Variants in ZNF423 observed in about 807,000 individuals in gnomAD.
ZNF423 encodes the protein zinc finger protein 423.
ZNF423 carries 12 observed loss-of-function variants against 95.8 expected under a neutral mutation model. That is an observed-to-expected ratio of 0.13 (90% CI 0.08 to 0.20). The LOEUF is 0.20. Ranked by LOEUF, ZNF423 falls within the 10% of genes least tolerant of loss-of-function variation. The pLI is 1.00. For synonymous variants in ZNF423, 749 were observed against 711.9 expected, an observed-to-expected ratio of 1.05 and a Z score of -0.83; for missense variants, 1,316 against 1,737.1, an observed-to-expected ratio of 0.76 and a Z score of 4.31.
At chr16:49,701,143 T>G (rs1012498332) in intron 3 of ZNF423, among the ~76,000 whole-genome samples, 1 of 152,232 alleles carries the variant, frequency 6.6e-6, no homozygotes, top group African/African-American at 2.4e-5. Context: ...AGGCTTAACA[T>G]GTTTAAGTCT....
chr16:49,572,608 T>G (rs940787567), intron 5 of ZNF423, among the ~76,000 whole-genome samples: 1 of 152,026 alleles, frequency 6.6e-6, no homozygotes, highest in Non-Finnish European at 1.5e-5. Flanking sequence ...CTTTGAGAAG[T>G]GGCATGATCA....
chr16:49,744,544 CCCCAGCTCGGGGTTGGGGTGTA>C (rs749451884), intron 2 of ZNF423, among the ~76,000 whole-genome samples: 2 of 152,002 alleles, frequency 1.3e-5, no homozygotes, highest in African/African-American at 2.4e-5. Flanking sequence ...GCCAGGGTGT[CCCCAGCTCGGGGTTGGGGTGTA>C]CCCAGCTCGG....
chr16:49,546,398 G>C (rs1969441385), intron 5 of ZNF423, among the ~76,000 whole-genome samples: 1 of 152,252 alleles, frequency 6.6e-6, no homozygotes, highest in Admixed American at 6.5e-5. Flanking sequence ...GGGTAAGTTG[G>C]TGCCTTTTCT....
At chr16:49,621,682 G>T (rs1384840034) in intron 5 of ZNF423, among the ~76,000 whole-genome samples, 2 of 152,174 alleles carry the variant, frequency 1.3e-5, no homozygotes, top group African/African-American at 4.8e-5. Flanking sequence ...CGGCAGGGCA[G>T]CCACTCTGGG....
intron 3 of ZNF423, among the ~76,000 whole-genome samples, chr16:49,654,460 G>A (rs759526856): frequency 6.6e-6 from 1 of 152,260 alleles, no homozygotes; most frequent in Non-Finnish European, 1.5e-5. Flanking sequence ...CATGGACAAG[G>A]AGCTCATGCT....
intron 5 of ZNF423, among the ~76,000 whole-genome samples, chr16:49,569,632 C>A (rs1026198494): frequency 2.6e-5 from 4 of 152,174 alleles, no homozygotes; most frequent in African/African-American, 9.7e-5. Context: ...TCCTCTGGGC[C>A]TTCCACTGTC....
Position 49,635,812 on chromosome 16 carries a change from C to A in ZNF423, c.3364G>T (p.Asp1122Tyr). The change falls in exon 4 of 8, where the codon GAC becomes TAC. Residue 1122 changes from aspartate (D) to tyrosine (Y), a missense_variant. By Grantham distance (160) the Asp-to-Tyr change is radical. This residue lies in a region of ZNF423 where 620 missense variants were observed against 775.6 expected (regional missense o/e 0.80). Transcript: ENST00000563137. This position sits in a 1 kb window ranked among gnomAD's most constrained non-coding sequence, Gnocchi z 4.8. Reference sequence around the variant, plus strand: ...CAACGGAGGCCGGCACAGGGCCGGTCGGCGGGCTCGGGCGGGGCCAGGCCA... The same window carrying A: ...CAACGGAGGCCGGCACAGGGCCGGTAGGCGGGCTCGGGCGGGGCCAGGCCA... The part of the protein sequence containing the change: ...VGGLAPPEPA[D>Y]RPCAGLRCPE... 6.2e-7 allele frequency: 1 copy of A among 1,610,254 alleles called. No individual in the cohort carries two copies. Among genetic ancestry groups the A allele is most frequent in the Non-Finnish European group, 8.5e-7 (1 of 1,178,828 alleles).
intron 1 of ZNF423, among the ~76,000 whole-genome samples, chr16:49,809,238 G>A (rs1029501252): frequency 1.1e-4 from 16 of 152,230 alleles, no homozygotes; most frequent in Non-Finnish European, 2.1e-4. Context: ...CACATAATGC[G>A]AGGACACCCA....
chr16:49,534,307 GCC>G (rs1968977149), intron 5 of ZNF423, among the ~76,000 whole-genome samples: 1 of 150,918 alleles, frequency 6.6e-6, no homozygotes, highest in South Asian at 2.1e-4. Context: ...CAGCTGGAGT[GCC>G]ATGGCACGTT....
chr16:49,832,753 C>T (rs575566505), intron 1 of ZNF423, among the ~76,000 whole-genome samples: 21 of 152,214 alleles, frequency 1.4e-4, no homozygotes, highest in African/African-American at 5.1e-4. Context: ...TGAGTGACTT[C>T]AGCCAAGGTC....
At chr16:49,508,535 A>G (rs913648474) in intron 7 of ZNF423, among the ~76,000 whole-genome samples, 3 of 148,396 alleles carry the variant, frequency 2.0e-5, no homozygotes, top group African/African-American at 7.6e-5. Flanking sequence ...AAAAAAAAAA[A>G]AAGTGAAAAT....
intron 5 of ZNF423, among the ~76,000 whole-genome samples, chr16:49,552,841 C>T (rs1597092723): frequency 6.6e-6 from 1 of 151,868 alleles, no homozygotes; most frequent in East Asian, 2.0e-4. Flanking sequence ...AGCAGAGGAA[C>T]CAGCGGTGCT....
intron 5 of ZNF423, among the ~76,000 whole-genome samples, chr16:49,548,179 C>T (rs1484278079): frequency 1.3e-5 from 2 of 152,102 alleles, no homozygotes; most frequent in Non-Finnish European, 1.5e-5. Flanking sequence ...CCAAGCACCT[C>T]CCAGTTTGGT....
At chr16:49,789,011 C>T (rs913843003) in intron 2 of ZNF423, among the ~76,000 whole-genome samples, 8 of 152,236 alleles carry the variant, frequency 5.3e-5, no homozygotes, top group Non-Finnish European at 2.9e-5. Context: ...CGACACCCCA[C>T]GAGTCTGAGC....
intron 5 of ZNF423, among the ~76,000 whole-genome samples, chr16:49,540,092 C>T (rs1447587714): frequency 6.6e-6 from 1 of 152,196 alleles, no homozygotes. Context: ...TACCTCCCTT[C>T]CTACTGGACA....
At chr16:49,527,134 T>A (rs1253195718) in intron 5 of ZNF423, among the ~76,000 whole-genome samples, 1 of 151,504 alleles carries the variant, frequency 6.6e-6, no homozygotes, top group African/African-American at 2.4e-5. Flanking sequence ...GGCCCAGCCA[T>A]CCCCCGCACC....
In ZNF423 at chr16:49,500,153, CAG is replaced by C. The variant is rs1197360923; in HGVS notation, c.3850-8851_3850-8850del. Among the ~76,000 whole-genome samples the C allele has an allele frequency of 2.6e-5, 4 of 152,180 alleles. No individual in the cohort carries two copies. In the East Asian group the frequency reaches 5.8e-4, roughly 22 times the overall value. On this transcript the variant is annotated intron_variant, in intron 7 of 7. Coordinates refer to ENST00000563137, the MANE Select transcript of ZNF423 (RefSeq NM_001379286.1). ...TTATAGACTTGCTCCTCCTCAGCAA[CAG>C]AGTCTATGCCTGACTCTGAGGCCTG...
intron 5 of ZNF423, among the ~76,000 whole-genome samples, chr16:49,532,803 C>T (rs1253865314): frequency 6.6e-6 from 1 of 152,206 alleles, no homozygotes; most frequent in Non-Finnish European, 1.5e-5. Context: ...AATCCGGTCA[C>T]ATATCAGAAA....
At chr16:49,791,111 C>T (rs772167889) in intron 1 of ZNF423, among the ~76,000 whole-genome samples, 3 of 152,224 alleles carry the variant, frequency 2.0e-5, no homozygotes, top group Admixed American at 6.5e-5. Flanking sequence ...GGAACATCCA[C>T]GAGCAACTAG....
Sources: allele counts gnomAD v4.1 joint callset (sites outside exome capture counted in the v4.1 genomes callset), GRCh38; gene constraint gnomAD v4.1.1; regional missense constraint gnomAD v4.1.1; non-coding constraint Gnocchi (gnomAD v3.1); transcripts MANE v1.5; gene names NCBI Gene and HGNC (gene_info 2026-07-23, HGNC 2026-07-21).